The following ANKAR variants were observed in gnomAD, a reference collection of about 807,000 sequenced individuals.
ANKAR encodes ankyrin and armadillo repeat-containing protein.
ANKAR carries 136 observed loss-of-function variants against 146.2 expected under a neutral mutation model. That is an observed-to-expected ratio of 0.93 (90% confidence interval 0.81 to 1.07). The LOEUF is 1.07. Among genes scored for constraint, ANKAR ranks in the 50% least tolerant of loss-of-function variants. The pLI, the probability that ANKAR is intolerant of heterozygous loss-of-function variation, is 0.00. For missense variants in ANKAR, 1,567 were observed against 1,679.9 expected (o/e 0.93, Z 1.18); for synonymous variants, 500 against 575.8 (o/e 0.87, Z 1.88).
downstream of ANKAR, chr2:189,761,282 T>C (rs2047030605): frequency 1.2e-6 from 1 of 841,640 alleles, no homozygotes; most frequent in African/African-American, 1.8e-5. Context: ...TGTTTGAGGT[T>C]TTCTATAGCA....
At chr2:189,683,487 A>G (rs1392045690) in intron 2 of ANKAR, among the ~76,000 whole-genome samples, 2 of 152,200 alleles carry the variant, frequency 1.3e-5, no homozygotes, top group Non-Finnish European at 2.9e-5. Context: ...AGCAAAAACT[A>G]CAGTTTAAAA....
chr2:189,757,147 A>G (rs1050207629), intron 18 of ANKAR, among the ~76,000 whole-genome samples: 2 of 152,240 alleles, frequency 1.3e-5, no homozygotes, highest in Non-Finnish European at 2.9e-5. Flanking sequence ...AGGCAGGGAA[A>G]CCACTGAGGC....
downstream of ANKAR, among the ~76,000 whole-genome samples, chr2:189,747,928 C>A (rs140975685): frequency 6.6e-6 from 1 of 152,014 alleles, no homozygotes; most frequent in Non-Finnish European, 1.5e-5. Context: ...TCAGGTGATC[C>A]GCCTACCTTG....
intron 20 of ANKAR, 103 bp downstream of exon 20, chr2:189,741,554 T>C: frequency 3.0e-6 from 2 of 677,478 alleles, no homozygotes; most frequent in Non-Finnish European, 4.7e-6. Context: ...GTGTTATAGA[T>C]ATAATATAAT....
At chr2:189,746,679 T>A, downstream of ANKAR, 1 of 1,497,364 alleles carries the variant, frequency 6.7e-7, no homozygotes, top group African/African-American at 1.4e-5. Flanking sequence ...AAAATTTTTT[T>A]ATTTTTAATA....
At chr2:189,735,048 T>C (rs1361394183) in intron 17 of ANKAR, among the ~76,000 whole-genome samples, 3 of 151,160 alleles carry the variant, frequency 2.0e-5, no homozygotes, top group Non-Finnish European at 2.9e-5. Context: ...TGGAAACTAA[T>C]AGGGTGAGGA....
intron 3 of ANKAR, among the ~76,000 whole-genome samples, chr2:189,690,342 C>G (rs2036202720): frequency 6.6e-6 from 1 of 152,016 alleles, no homozygotes; most frequent in African/African-American, 2.4e-5. Flanking sequence ...AGTATACACA[C>G]TTACTCTAAA....
chr2:189,750,518 CAATA>C, downstream of ANKAR: 2 of 845,422 alleles, frequency 2.4e-6, no homozygotes, highest in Non-Finnish European at 3.8e-6. Context: ...ATACACAAAA[CAATA>C]AAAACTTAAT....
At chr2:189,705,306 A>C in intron 8 of ANKAR, 82 bp downstream of exon 8, 1 of 1,413,224 alleles carries the variant, frequency 7.1e-7, no homozygotes, top group African/African-American at 1.5e-5. Flanking sequence ...AATTAAATAG[A>C]ATATAAATTT....
intron 15 of ANKAR, among the ~76,000 whole-genome samples, chr2:189,729,219 T>G (rs56268229): frequency 6.6e-6 from 1 of 152,188 alleles, no homozygotes; most frequent in East Asian, 1.9e-4. Flanking sequence ...TGATCATTTG[T>G]TTATATAACA....
intron 10 of ANKAR, among the ~76,000 whole-genome samples, chr2:189,713,143 T>A (rs2039943113): frequency 1.3e-5 from 2 of 152,112 alleles, no homozygotes; most frequent in Non-Finnish European, 2.9e-5. Flanking sequence ...CTACGTCTGA[T>A]TAGTGTACCT....
At position 189,744,776 on chromosome 2, in the gene ANKAR, A is replaced by G. The variant is rs1214650492; in HGVS notation, c.4045A>G (p.Ile1349Val). 7 of 1,590,580 alleles carry G rather than the reference A, an allele frequency of 4.4e-6. No homozygotes were observed. The highest frequency in any genetic ancestry group is 1.3e-5 in the African/African-American group (1 of 74,236). ...GAATGGAGGACCATCCATAATTCCT[A>G]TCTTTAAAAGAGGTAATTGATTTTT... ...EKNGGPSIIP[I>V]FKRGKEHRRK... is the part of the protein sequence containing the mutation. The change falls in exon 22 of 23, where the codon ATC becomes GTC. Residue 1349 changes from isoleucine (I) to valine (V), a missense_variant. Coordinates refer to ENST00000684021, the MANE Select transcript of ANKAR (RefSeq NM_001378068.1).
chr2:189,733,868 G>A (rs55799218), intron 17 of ANKAR, among the ~76,000 whole-genome samples: 149,268 of 152,104 alleles, frequency 0.98, 73,299 homozygotes, highest in South Asian at 1. Flanking sequence ...GAATCTAATC[G>A]GGGTCTCACA....
At chr2:189,704,883 T>C (rs915080260) in intron 7 of ANKAR, 140 bp from the exon 8 acceptor site, 7 of 690,378 alleles carry the variant, frequency 1.0e-5, no homozygotes, top group Non-Finnish European at 1.6e-5. Context: ...TAGGGTTGTC[T>C]AAATTTTTTT....
At chr2:189,678,550 C>T (rs1409674829) in intron 2 of ANKAR, among the ~76,000 whole-genome samples, 1 of 152,124 alleles carries the variant, frequency 6.6e-6, no homozygotes, top group Non-Finnish European at 1.5e-5. Flanking sequence ...TTATCTTCTA[C>T]AATTTTTATG....
At chr2:189,711,675 T>C (rs2039701140) in intron 10 of ANKAR, among the ~76,000 whole-genome samples, 1 of 152,184 alleles carries the variant, frequency 6.6e-6, no homozygotes, top group Admixed American at 6.5e-5. Context: ...GCTCCCAGCA[T>C]GATCGGCGCA....
chr2:189,743,252 G>T lies in ANKAR; in HGVS notation c.3811-23G>T, dbSNP rs376006408. Reference sequence around the variant, plus strand: ...TTTAAGAACAAAGCCCACTGGTTAAGAAAGAATTGTTTCTTCATTTAGGTT... The same window carrying T: ...TTTAAGAACAAAGCCCACTGGTTAATAAAGAATTGTTTCTTCATTTAGGTT... On this transcript the variant is annotated intron_variant, in intron 20 of 22. Transcript: ENST00000684021. The T allele has an allele frequency of 2.7e-5, 44 of 1,606,090 alleles. No individual in the cohort carries two copies. The African/African-American group carries it at 4.3e-4, about 16-fold the overall frequency.
intron 18 of ANKAR, among the ~76,000 whole-genome samples, chr2:189,757,891 T>G: frequency 6.6e-6 from 1 of 152,204 alleles, no homozygotes; most frequent in East Asian, 1.9e-4. Flanking sequence ...TGTCTAGTAC[T>G]TTCTCACTTC....
At chr2:189,675,573 C>T (rs2033463867) in intron 1 of ANKAR, among the ~76,000 whole-genome samples, 1 of 152,126 alleles carries the variant, frequency 6.6e-6, no homozygotes, top group Admixed American at 6.5e-5. Context: ...TTCTCGAACT[C>T]CTGACATCAG....
Sources: gnomAD v4.1 joint callset for allele counts (sites outside exome capture counted in the v4.1 genomes callset) on GRCh38, gnomAD v4.1.1 for gene constraint, MANE v1.5 for transcripts, NCBI Gene and HGNC (gene_info 2026-07-23, HGNC 2026-07-21) for gene names.